CHCHD6: variants seen among roughly 807,000 people sequenced by gnomAD.
CHCHD6 encodes the protein coiled-coil-helix-coiled-coil-helix domain containing 6.
CHCHD6 carries 28 observed loss-of-function variants against 32.3 expected under a neutral mutation model. The ratio of observed to expected loss-of-function variants is 0.87; its 90% CI spans 0.64 to 1.19. The LOEUF (loss-of-function observed/expected upper bound fraction) is 1.19. CHCHD6 is among the 50% of genes most tolerant of loss of function. CHCHD6 has a pLI of 0.00. For missense variants in CHCHD6, 333 were observed against 307.0 expected, an observed-to-expected ratio of 1.08 and a Z score of -0.63; for synonymous variants, 122 against 117.5, an observed-to-expected ratio of 1.04 and a Z score of -0.25.
intron 5 of CHCHD6, among the ~76,000 whole-genome samples, chr3:126,865,159 C>T (rs1395731051): frequency 7.4e-6 from 1 of 134,500 alleles, no homozygotes; most frequent in African/African-American, 2.7e-5. Flanking sequence ...TTTTCCACCA[C>T]CTCCACTTCT....
intron 4 of CHCHD6, 125 bp from the exon 5 acceptor site, chr3:126,852,509 ATATCATAAGGTTT>A: frequency 1.6e-6 from 1 of 631,064 alleles, no homozygotes; most frequent in South Asian, 1.8e-5. Flanking sequence ...ATGATCTGGC[ATATCATAAGGTTT>A]TCAACTCATT....
rs758201537 is a variant in CHCHD6 at position 126,914,720 on chromosome 3, A to G, written c.536A>G (p.Glu179Gly). Residue 179 changes from glutamate (E) to glycine (G), a missense_variant, in exon 6 of 8, where the codon GAG (glutamate) becomes GGG (glycine). Coordinates refer to ENST00000290913, the MANE Select transcript of CHCHD6 (RefSeq NM_032343.3). ...MYKLSSEQFH[E>G]AASKMESTIK... ...AAACTGTCTTCAGAGCAATTCCATG[A>G]GGCAGCCTCAAAGATGGAGAGCACA... is the stretch of plus-strand genomic sequence containing the variant. The G allele has an allele frequency of 6.3e-7, 1 of 1,595,874 alleles. No homozygotes were observed. Among genetic ancestry groups the G allele is most frequent in the Non-Finnish European group, 8.6e-7 (1 of 1,163,258 alleles).
chr3:126,861,229 C>T (rs541268090), intron 5 of CHCHD6, among the ~76,000 whole-genome samples: 1 of 152,162 alleles, frequency 6.6e-6, no homozygotes, highest in African/African-American at 2.4e-5. Flanking sequence ...CATCCCTGTC[C>T]ACAGACCTAC....
At chr3:126,783,079 A>T (rs1269744686) in intron 4 of CHCHD6, among the ~76,000 whole-genome samples, 1 of 152,096 alleles carries the variant, frequency 6.6e-6, no homozygotes, top group Non-Finnish European at 1.5e-5. Context: ...GAAAGTTTGT[A>T]CTCTTTGACC....
chr3:126,911,735 G>A (rs2078093832), intron 5 of CHCHD6, among the ~76,000 whole-genome samples: 1 of 152,178 alleles, frequency 6.6e-6, no homozygotes, highest in Admixed American at 6.5e-5. Flanking sequence ...AAATTCACCG[G>A]GGCCAGGCTG....
chr3:126,908,128 G>A (rs1001228190), intron 5 of CHCHD6, among the ~76,000 whole-genome samples: 1 of 152,222 alleles, frequency 6.6e-6, no homozygotes, highest in African/African-American at 2.4e-5. Context: ...GTTGAACCTT[G>A]TGAGTGGACA....
rs1937409587 is a variant in CHCHD6 at position 126,767,223 on chromosome 3, C to T, written c.411+34001C>T. On this transcript the variant is annotated intron_variant, in intron 4 of 7. Transcript: ENST00000290913. ...AAGGCCATTTTGGTAATTGGCTGGCCATTGTATATTATCTGTGCGGGGCTG... is the reference window on the plus strand; with the variant it reads ...AAGGCCATTTTGGTAATTGGCTGGCTATTGTATATTATCTGTGCGGGGCTG... 18 of 1,533,630 alleles carry T rather than the reference C, an allele frequency of 1.2e-5. No individual in the cohort carries two copies. In the South Asian group the frequency reaches 1.3e-4, roughly 11 times the overall value.
chr3:126,852,567 A>C, intron 4 of CHCHD6, 80 bp from the exon 5 acceptor site: 1 of 950,894 alleles, frequency 1.1e-6, no homozygotes, highest in Non-Finnish European at 1.7e-6. Flanking sequence ...GTGAGCAGAA[A>C]TGTCCGTCGC....
rs114656328 is a variant in CHCHD6, at chr3:126,808,228, C to T, written c.412-44419C>T. On this transcript the variant is annotated intron_variant, in intron 4 of 7. Transcript: ENST00000290913. ...GCCTCTGTTTCTTGGGTTTGGGTCTCATAGCAGCTTGCCTCATCAGAGTGA... is the reference window on the plus strand; with the variant it reads ...GCCTCTGTTTCTTGGGTTTGGGTCTTATAGCAGCTTGCCTCATCAGAGTGA... Among the ~76,000 whole-genome samples the T allele has an allele frequency of 6.8e-3, 1,036 of 152,278 alleles. 12 individuals carry two copies. Among genetic ancestry groups the T allele is most frequent in the African/African-American group, 0.023 (945 of 41,552 alleles).
chr3:126,910,345 CT>C (rs2078071879), intron 5 of CHCHD6, among the ~76,000 whole-genome samples: 1 of 150,926 alleles, frequency 6.6e-6, no homozygotes. Context: ...CTTCTTCACC[CT>C]TATTGCCCAT....
chr3:126,799,515 G>A (rs958997518), intron 4 of CHCHD6, among the ~76,000 whole-genome samples: 3 of 152,316 alleles, frequency 2.0e-5, no homozygotes, highest in Admixed American at 6.5e-5. Flanking sequence ...CAAACAGGAC[G>A]TGAAGAGATG....
chr3:126,790,631 T>C (rs1487915871), intron 4 of CHCHD6, among the ~76,000 whole-genome samples: 1 of 152,252 alleles, frequency 6.6e-6, no homozygotes, highest in Non-Finnish European at 1.5e-5. Context: ...CTGAAGCTTG[T>C]GCATTCGTCA....
At chr3:126,903,151 G>T (rs919108385) in intron 5 of CHCHD6, among the ~76,000 whole-genome samples, 3 of 152,174 alleles carry the variant, frequency 2.0e-5, no homozygotes, top group Admixed American at 6.5e-5. Context: ...ACTAAGAAAC[G>T]CTGAGTGCAG....
rs114145263 is a variant in CHCHD6 at position 126,853,990 on chromosome 3, T to C, written c.495+1260T>C. Among the ~76,000 whole-genome samples the C allele has an allele frequency of 6.0e-3, 917 of 152,342 alleles. 8 individuals carry two copies. Among genetic ancestry groups the C allele is most frequent in the African/African-American group, 0.021 (877 of 41,580 alleles). ...TTTGGTCTCCTTTGTGCTCCCCATG[T>C]TTCCCTTCCTGGGCTTGGCTGCTAG... On this transcript the variant is annotated intron_variant, in intron 5 of 7. Coordinates refer to ENST00000290913, the MANE Select transcript of CHCHD6 (RefSeq NM_032343.3).
intron 1 of CHCHD6, among the ~76,000 whole-genome samples, chr3:126,704,664 C>T (rs1003330917): frequency 1.3e-5 from 2 of 152,206 alleles, no homozygotes; most frequent in African/African-American, 4.8e-5. Flanking sequence ...ACGCCCTGGC[C>T]ACGTCCTGGC....
chr3:126,863,668 A>G (rs1942072230), intron 5 of CHCHD6, among the ~76,000 whole-genome samples: 2 of 128,690 alleles, frequency 1.6e-5, no homozygotes, highest in African/African-American at 6.2e-5. Context: ...CTCCTCCACC[A>G]TCACCACCTC....
chr3:126,850,174 A>G (rs1941423701), intron 4 of CHCHD6, among the ~76,000 whole-genome samples: 1 of 152,238 alleles, frequency 6.6e-6, no homozygotes, highest in Admixed American at 6.5e-5. Context: ...TTTGTAGCAG[A>G]TGAATTAGAG....
chr3:126,863,692 A>G (rs1942075168), intron 5 of CHCHD6, among the ~76,000 whole-genome samples: 1 of 137,076 alleles, frequency 7.3e-6, no homozygotes, highest in Non-Finnish European at 1.6e-5. Flanking sequence ...CTCCTCCACC[A>G]TCACCACCTC....
chr3:126,763,296 T>C (rs1298036284), intron 4 of CHCHD6, among the ~76,000 whole-genome samples: 2 of 133,220 alleles, frequency 1.5e-5, no homozygotes, highest in Non-Finnish European at 3.3e-5. Flanking sequence ...TTCTCCCTTT[T>C]TCCCCCTCTT....
Sources: allele counts gnomAD v4.1 joint callset (sites outside exome capture counted in the v4.1 genomes callset), GRCh38; gene constraint gnomAD v4.1.1; transcripts MANE v1.5; gene names NCBI Gene and HGNC (gene_info 2026-07-23, HGNC 2026-07-21).